The following NEK1 variants were observed in gnomAD, a reference collection of about 807,000 sequenced individuals.
NEK1 encodes the protein NIMA related kinase 1.
Under a neutral mutation model 182.1 loss-of-function variants are expected in NEK1, and 137 were observed. That is an observed-to-expected ratio of 0.75 (90% CI 0.65 to 0.87). The LOEUF is 0.87. Among genes scored for constraint, NEK1 ranks in the 40% least tolerant of loss-of-function variants. The probability of loss-of-function intolerance (pLI) is 0.00; values close to 1 mark genes in which losing one functional copy is unlikely to be tolerated. For missense variants in NEK1, 1,391 were observed against 1,494.4 expected, an observed-to-expected ratio of 0.93 and a Z score of 1.14; for synonymous variants, 513 against 492.2, an observed-to-expected ratio of 1.04 and a Z score of -0.56.
At chr4:169,502,877 C>A (rs6829220) in intron 23 of NEK1, among the ~76,000 whole-genome samples, 1,999 of 152,088 alleles carry the variant, frequency 0.013, 40 homozygotes, top group African/African-American at 0.045. Context: ...GCAGTCCCAG[C>A]CAGAGCAATC....
At chr4:169,508,357 T>C in intron 20 of NEK1, 26 bp from the exon 21 acceptor site, 13 of 1,517,544 alleles carry the variant, frequency 8.6e-6, no homozygotes, top group Non-Finnish European at 1.1e-5. Flanking sequence ...AACCCCAACA[T>C]AATAATGTAA....
intron 31 of NEK1, among the ~76,000 whole-genome samples, chr4:169,409,123 A>G (rs1733167368): frequency 6.6e-6 from 1 of 152,076 alleles, no homozygotes; most frequent in South Asian, 2.1e-4. Flanking sequence ...ACCACATCCA[A>G]GCCAACATCT....
At position 169,401,779 on chromosome 4, in the gene NEK1, T is replaced by C; in HGVS notation, c.3456A>G (p.Glu1152=). 1 of 1,613,914 alleles carries C rather than the reference T, an allele frequency of 6.2e-7. No homozygotes were observed. Among genetic ancestry groups the C allele is most frequent in the Non-Finnish European group, 8.5e-7 (1 of 1,179,810 alleles). The change falls in exon 33 of 36, where the codon GAA becomes GAG. Residue 1152 remains glutamate, a synonymous_variant. Coordinates refer to ENST00000507142, the MANE Select transcript of NEK1 (RefSeq NM_001199397.3). ...EQLLREQPGE[E]YSEEEESVLK... is the part of the protein sequence containing the mutation. ...AGACTGACTCTTCTTCTTCACTGTA[T>C]TCTTCACCAGGTTGTTCCCTAAGTA...
chr4:169,421,767 C>T (rs1438636224), intron 31 of NEK1, among the ~76,000 whole-genome samples: 1 of 152,140 alleles, frequency 6.6e-6, no homozygotes, highest in Non-Finnish European at 1.5e-5. Context: ...TCAGGTACTT[C>T]TTGAAAGCAG....
At position 169,612,073 on chromosome 4, in the gene NEK1, T is replaced by A. The variant is rs1474544270; in HGVS notation, c.-102A>T. 6.6e-6 allele frequency: 1 copy of A among 152,194 alleles called. No individual in the cohort carries two copies. The highest frequency in any genetic ancestry group is 2.1e-4 in the South Asian group (1 of 4,830). The allele number at this position is 152,194 out of a possible 1,614,324, so 9.4% of individuals were successfully genotyped here. A position where few individuals can be genotyped will look rare whatever the true frequency, so the allele number is the denominator to read the frequency against. On this transcript the variant is annotated 5_prime_UTR_variant, in exon 2 of 36. Transcript: ENST00000507142. ...AACGGTGATGACTAATAAGCATCAG[T>A]CTAGGTGTGGCAGTCTTCCTACGGG...
intron 27 of NEK1, among the ~76,000 whole-genome samples, chr4:169,462,016 G>A (rs903556808): frequency 2.6e-5 from 4 of 152,074 alleles, no homozygotes; most frequent in South Asian, 2.1e-4. Flanking sequence ...ATTTTTATGC[G>A]GTTTAAGTAT....
At chr4:169,539,081 C>T (rs917322418) in intron 18 of NEK1, among the ~76,000 whole-genome samples, 1 of 152,090 alleles carries the variant, frequency 6.6e-6, no homozygotes. Context: ...TAGATAATCT[C>T]TATAGCTGGT....
intron 18 of NEK1, among the ~76,000 whole-genome samples, chr4:169,542,653 TCC>T (rs879780474): frequency 1.3e-4 from 20 of 151,942 alleles, no homozygotes; most frequent in Admixed American, 7.2e-4. Flanking sequence ...CTACATCCTC[TCC>T]AGCATCTGTT....
chr4:169,601,915 A>C, intron 4 of NEK1, 93 bp downstream of exon 4: 1 of 871,488 alleles, frequency 1.1e-6, no homozygotes, highest in Non-Finnish European at 1.9e-6. Context: ...TATGTTTTTA[A>C]GCAAAAATGG....
intron 10 of NEK1, among the ~76,000 whole-genome samples, chr4:169,582,202 CT>C (rs1282008557): frequency 2.6e-5 from 4 of 151,658 alleles, no homozygotes; most frequent in Non-Finnish European, 5.9e-5. Flanking sequence ...GAGAATCTTC[CT>C]ATATTAACAG....
intron 10 of NEK1, among the ~76,000 whole-genome samples, chr4:169,581,229 C>T (rs1486010954): frequency 6.6e-6 from 1 of 151,862 alleles, no homozygotes; most frequent in East Asian, 1.9e-4. Flanking sequence ...ATAAATTCCT[C>T]TCATGCTTAC....
Position 169,564,772 on chromosome 4 carries a change from T to C in NEK1, c.1021-2576A>G, listed in dbSNP as rs182138690. Among the ~76,000 whole-genome samples, 31 of 152,270 alleles carry C rather than the reference T, an allele frequency of 2.0e-4. No homozygotes were observed. In the East Asian group the frequency reaches 5.4e-3, roughly 26 times the overall value. On this transcript the variant is annotated intron_variant, in intron 12 of 35. Transcript: ENST00000507142. ...GAGTATGAGACCAGGAAAATGCTGATATCTAAAATATGTAATACCACCCAA... is the reference window on the plus strand; with the variant it reads ...GAGTATGAGACCAGGAAAATGCTGACATCTAAAATATGTAATACCACCCAA...
At chr4:169,530,344 A>G (rs1757482637) in intron 19 of NEK1, among the ~76,000 whole-genome samples, 2 of 152,228 alleles carry the variant, frequency 1.3e-5, no homozygotes, top group African/African-American at 4.8e-5. Flanking sequence ...CAATGGTGTG[A>G]AAGTGACAAG....
chr4:169,593,104 A>G (rs943366107), intron 5 of NEK1, among the ~76,000 whole-genome samples: 1 of 151,838 alleles, frequency 6.6e-6, no homozygotes, highest in Non-Finnish European at 1.5e-5. Context: ...ACAAAAATTT[A>G]TTCAGTACCA....
At chr4:169,435,696 A>G (rs1738285757) in intron 28 of NEK1, among the ~76,000 whole-genome samples, 1 of 152,148 alleles carries the variant, frequency 6.6e-6, no homozygotes, top group Non-Finnish European at 1.5e-5. Context: ...TTATTCTTAA[A>G]GACCACATTG....
chr4:169,572,926 T>C (rs368806436), intron 12 of NEK1, among the ~76,000 whole-genome samples: 5 of 152,196 alleles, frequency 3.3e-5, no homozygotes, highest in Admixed American at 1.3e-4. Flanking sequence ...GGAGACAGTA[T>C]AGACAATCTT....
rs923379499 is a variant in NEK1, at chr4:169,475,212, T to C, written c.2434+1912A>G. On this transcript the variant is annotated intron_variant, in intron 26 of 35. Coordinates refer to ENST00000507142, the MANE Select transcript of NEK1 (RefSeq NM_001199397.3). Reference sequence around the variant, plus strand: ...GACCTGCAGATGGTAGCCCTGAGTATGAGCAGAGCAAATATATGAGAAAAC... The same window carrying C: ...GACCTGCAGATGGTAGCCCTGAGTACGAGCAGAGCAAATATATGAGAAAAC... 3.9e-5 allele frequency among the ~76,000 whole-genome samples: 6 copies of C among 151,964 alleles called. No homozygotes were observed. In the East Asian group the frequency reaches 9.6e-4, roughly 24 times the overall value.
At chr4:169,559,836 C>T (rs139250281) in intron 16 of NEK1, among the ~76,000 whole-genome samples, 10,843 of 152,046 alleles carry the variant, frequency 0.071, 1,268 homozygotes, top group African/African-American at 0.25. Context: ...ATGCAGAAAC[C>T]CCGTCTCTAC....
At position 169,424,538 on chromosome 4, in the gene NEK1, G is replaced by C. The variant is rs1246103461; in HGVS notation, c.3222+15C>G. 6.4e-7 allele frequency: 1 copy of C among 1,560,640 alleles called. No individual in the cohort carries two copies. Among genetic ancestry groups the C allele is most frequent in the South Asian group, 1.2e-5 (1 of 82,328 alleles). On this transcript the variant is annotated intron_variant, in intron 31 of 35. Transcript: ENST00000507142. The stretch of plus-strand genomic sequence containing the variant: ...ATCGAATGGATAATATTTTCCACTT[G>C]AGGACCATACTTGCCTTTGGGTTGT...
Sources: allele counts gnomAD v4.1 joint callset (sites outside exome capture counted in the v4.1 genomes callset), GRCh38; gene constraint gnomAD v4.1.1; transcripts MANE v1.5; gene names NCBI Gene and HGNC (gene_info 2026-07-23, HGNC 2026-07-21).